Variants in ESYT3 observed in about 807,000 individuals in gnomAD.
ESYT3 encodes the protein extended synaptotagmin-3.
Under a neutral mutation model 111.5 loss-of-function variants are expected in ESYT3, and 101 were observed. That is an observed-to-expected ratio of 0.91 (90% CI 0.77 to 1.07). The LOEUF is 1.07. Among genes scored for constraint, ESYT3 ranks in the 50% least tolerant of loss-of-function variants. The pLI is 0.00. For synonymous variants in ESYT3, 416 were observed against 446.8 expected (o/e 0.93, Z 0.87); for missense variants, 1,097 against 1,109.4 (o/e 0.99, Z 0.16).
rs1352763865 is a variant in ESYT3, at chr3:138,459,112, G to C, written c.582-75G>C. On this transcript the variant is annotated intron_variant, in intron 4 of 22. Transcript: ENST00000389567. The stretch of plus-strand genomic sequence containing the variant: ...CCTGGGCTCCGGCTGTGTGACACTG[G>C]GCAAGTTTCCCAACCTTTCTGAGCA... 8 of 1,264,910 alleles carry C rather than the reference G, an allele frequency of 6.3e-6. No homozygotes were observed. The East Asian group carries it at 2.1e-4, about 33-fold the overall frequency. 78.4% of individuals were successfully genotyped at this position (1,264,910 alleles called of 1,614,324 possible).
chr3:138,474,130 G>T (rs1285354209), intron 19 of ESYT3, 91 bp from the exon 20 acceptor site: 11 of 1,521,812 alleles, frequency 7.2e-6, no homozygotes, highest in Middle Eastern at 1.7e-4. Flanking sequence ...TGAAGTGTTT[G>T]AAACTCTCAA....
At chr3:138,470,811 C>T (rs1284292833) in intron 16 of ESYT3, 66 bp from the exon 17 acceptor site, 3 of 1,606,334 alleles carry the variant, frequency 1.9e-6, no homozygotes, top group African/African-American at 1.3e-5. Context: ...GGCTGGGGCT[C>T]AGATACTAGT....
Position 138,434,955 on chromosome 3 carries a change from G to A in ESYT3, c.157G>A (p.Gly53Ser). 1 of 1,553,968 alleles carries A rather than the reference G, an allele frequency of 6.4e-7. No homozygotes were observed. Among genetic ancestry groups the A allele is most frequent in the Non-Finnish European group, 8.7e-7 (1 of 1,148,050 alleles). Residue 53 changes from glycine to serine, a missense_variant, in exon 1 of 23, where the codon GGC (glycine) becomes AGC (serine). Coordinates refer to ENST00000389567, the MANE Select transcript of ESYT3 (RefSeq NM_031913.5). ...LFYLGPVYLAGYLGLSITWLL... is the reference protein window; with the variant it reads ...LFYLGPVYLASYLGLSITWLL... ...CTACCTGGGGCCTGTCTACCTAGCT[G>A]GCTACCTGGGGCTCAGCATAACCTG...
chr3:138,470,866 C>T lies in ESYT3; in HGVS notation c.1591-11C>T. On this transcript the variant is annotated splice_polypyrimidine_tract_variant and intron_variant, in intron 16 of 22. Coordinates refer to ENST00000389567, the MANE Select transcript of ESYT3 (RefSeq NM_031913.5). ...GTTATCCTCTTGTTTTGTGACTGGA[C>T]CACTGCCCAGGTGCTTGATGATGAC... is the stretch of plus-strand genomic sequence containing the variant. The T allele has an allele frequency of 6.2e-7, 1 of 1,614,044 alleles. No individual in the cohort carries two copies.
intron 8 of ESYT3, chr3:138,462,539 TGTAAA>T (rs981377638): frequency 3.1e-5 from 14 of 458,312 alleles, no homozygotes; most frequent in Non-Finnish European, 3.9e-5. Flanking sequence ...TTTACAATTA[TGTAAA>T]GTAGTTGTAC....
At position 138,467,518 on chromosome 3, in the gene ESYT3, C is replaced by T. The variant is rs570289100; in HGVS notation, c.1170-43C>T. The T allele has an allele frequency of 5.0e-6, 8 of 1,607,744 alleles. No individual in the cohort carries two copies. In the African/African-American group the frequency reaches 9.3e-5, roughly 19 times the overall value. On this transcript the variant is annotated intron_variant, in intron 10 of 22. Coordinates refer to ENST00000389567, the MANE Select transcript of ESYT3 (RefSeq NM_031913.5). ...GGGCCTCCATGCCCTCTGCTGCTTT[C>T]TTCCTCTGAGCTGACCCAATCCCCT... is the stretch of plus-strand genomic sequence containing the variant.
chr3:138,466,230 C>T (rs530010788), intron 10 of ESYT3, among the ~76,000 whole-genome samples: 3 of 152,114 alleles, frequency 2.0e-5, no homozygotes, highest in African/African-American at 4.8e-5. Context: ...CTGTTAACAC[C>T]GCTTATCTCA....
In ESYT3 at chr3:138,455,344, G is replaced by A. The variant is rs1560223723; in HGVS notation, c.504+16G>A. The A allele has an allele frequency of 6.2e-7, 1 of 1,613,842 alleles. No individual in the cohort carries two copies. Among genetic ancestry groups the A allele is most frequent in the Non-Finnish European group, 8.5e-7 (1 of 1,179,844 alleles). On this transcript the variant is annotated intron_variant, in intron 3 of 22. Coordinates refer to ENST00000389567, the MANE Select transcript of ESYT3 (RefSeq NM_031913.5). Reference sequence around the variant, plus strand: ...TGGACAGAAGGTGGGTGTGTCTCGGGAGGGTCAGCCTGGACTGGCTGTGCA... The same window carrying A: ...TGGACAGAAGGTGGGTGTGTCTCGGAAGGGTCAGCCTGGACTGGCTGTGCA...
At chr3:138,466,587 T>C (rs914537461) in intron 10 of ESYT3, among the ~76,000 whole-genome samples, 4 of 152,242 alleles carry the variant, frequency 2.6e-5, no homozygotes, top group African/African-American at 4.8e-5. Flanking sequence ...CTTACAGTTA[T>C]ATAGAATTAC....
chr3:138,465,554 G>A (rs1196292400), intron 10 of ESYT3, 133 bp downstream of exon 10: 1 of 671,888 alleles, frequency 1.5e-6, no homozygotes, highest in Non-Finnish European at 2.5e-6. Flanking sequence ...GACTGTGCCA[G>A]GCAACCTGCC....
At position 138,468,671 on chromosome 3, in the gene ESYT3, C is replaced by T. The variant is rs1388652839; in HGVS notation, c.1325C>T (p.Ser442Phe). Residue 442 changes from serine (S) to phenylalanine (F), a missense_variant, in exon 13 of 23, where the codon TCC (serine) becomes TTC (phenylalanine). Physicochemically the swap from Ser to Phe is radical, Grantham distance 155 (BLOSUM62 -2). Transcript: ENST00000389567. ...EVLTEDHGGL[S>F]TAILVVFLES... is the part of the protein sequence containing the mutation. Reference sequence around the variant, plus strand: ...TGTTTGCAGGACCATGGTGGCCTTTCCACTGCCATTCTCGTGGTCTTCTTG... The same window carrying T: ...TGTTTGCAGGACCATGGTGGCCTTTTCACTGCCATTCTCGTGGTCTTCTTG... 1 of 1,614,120 alleles carries T rather than the reference C, an allele frequency of 6.2e-7. No homozygotes were observed. The highest frequency in any genetic ancestry group is 1.3e-5 in the African/African-American group (1 of 75,022).
intron 9 of ESYT3, 65 bp from the exon 10 acceptor site, chr3:138,465,274 T>A (rs2032868386): frequency 8.0e-7 from 1 of 1,255,246 alleles, no homozygotes; most frequent in Non-Finnish European, 1.1e-6. Context: ...ATGATTTGGC[T>A]CCCTTTGGGT....
Position 138,472,595 on chromosome 3 carries a change from C to A in ESYT3, c.1973C>A (p.Thr658Lys). 2 of 1,614,244 alleles carry A rather than the reference C, an allele frequency of 1.2e-6. No individual in the cohort carries two copies. The highest frequency in any genetic ancestry group is 1.1e-5 in the South Asian group (1 of 91,080). ...TSATTVATEP[T>K]SQETGPEPKG... The stretch of plus-strand genomic sequence containing the variant: ...GCTACCACCGTTGCCACTGAGCCCA[C>A]ATCCCAAGAGACAGGCCCAGAGCCT... Residue 658 changes from threonine to lysine, a missense_variant, in exon 18 of 23, where the codon ACA becomes AAA. By Grantham distance (78) the Thr-to-Lys change is moderately conservative. Coordinates refer to ENST00000389567, the MANE Select transcript of ESYT3 (RefSeq NM_031913.5).
chr3:138,464,532 C>T lies in ESYT3; in HGVS notation c.1086+17C>T, dbSNP rs762014668. 6.2e-7 allele frequency: 1 copy of T among 1,613,410 alleles called. No homozygotes were observed. On this transcript the variant is annotated intron_variant, in intron 9 of 22. Transcript: ENST00000389567. The stretch of plus-strand genomic sequence containing the variant: ...GTGTTTGAGGTAAGGGTCTCCTTGG[C>T]TGCTTCTAGCCTTCACTCTGAGTCA...
chr3:138,476,548 C>T, intron 22 of ESYT3, 56 bp downstream of exon 22: 10 of 1,547,450 alleles, frequency 6.5e-6, no homozygotes, highest in Non-Finnish European at 8.9e-6. Flanking sequence ...ACAGTTTTCC[C>T]TTTTCAGTAC....
In ESYT3 at chr3:138,465,439, C is replaced by T. The variant is rs1650327487; in HGVS notation, c.1169+18C>T. ...CTGGGCAGGTGAGGAGGAGGGCGCA[C>T]AGCTGGGCCTGGAGGCAGCCTTCCC... On this transcript the variant is annotated intron_variant, in intron 10 of 22. Transcript: ENST00000389567. The T allele has an allele frequency of 1.9e-6, 3 of 1,574,332 alleles. No homozygotes were observed. The highest frequency in any genetic ancestry group is 2.6e-6 in the Non-Finnish European group (3 of 1,159,180).
At position 138,435,587 on chromosome 3, in the gene ESYT3, C is replaced by T. The variant is rs2030601658; in HGVS notation, c.327+462C>T. 6.6e-6 allele frequency among the ~76,000 whole-genome samples: 1 copy of T among 152,166 alleles called. No individual in the cohort carries two copies. Among genetic ancestry groups the T allele is most frequent in the South Asian group, 2.1e-4 (1 of 4,826 alleles). On this transcript the variant is annotated intron_variant, in intron 1 of 22. Transcript: ENST00000389567. This position sits in a 1 kb window ranked among gnomAD's most constrained non-coding sequence, Gnocchi z 4.8. ...CGGGCCCAGTTGCTTTCGGCCGAGGCCTGGACTGCGGTAGGGGGAGGGCTC... is the reference window on the plus strand; with the variant it reads ...CGGGCCCAGTTGCTTTCGGCCGAGGTCTGGACTGCGGTAGGGGGAGGGCTC...
At chr3:138,458,197 T>C (rs2032403508) in intron 4 of ESYT3, among the ~76,000 whole-genome samples, 1 of 152,032 alleles carries the variant, frequency 6.6e-6, no homozygotes, top group South Asian at 2.1e-4. Context: ...GGATCCAGAG[T>C]GTTGCCATTC....
chr3:138,434,849 C>T lies in ESYT3; in HGVS notation c.51C>T (p.Ala17=), dbSNP rs1265019194. Residue 17 remains alanine (A), a synonymous_variant, in exon 1 of 23, where the codon GCC becomes GCT. Coordinates refer to ENST00000389567, the MANE Select transcript of ESYT3 (RefSeq NM_031913.5). ...CCGGGGCCCCCAGCGCCCTGGGAGCCCAGCGCACGCCGGGCCCCGAGCTGC... is the reference window on the plus strand; with the variant it reads ...CCGGGGCCCCCAGCGCCCTGGGAGCTCAGCGCACGCCGGGCCCCGAGCTGC... ...CAPGAPSALG[A]QRTPGPELRL... is the part of the protein sequence containing the mutation. 6.5e-7 allele frequency: 1 copy of T among 1,549,876 alleles called. No homozygotes were observed. The highest frequency in any genetic ancestry group is 2.0e-5 in the Admixed American group (1 of 51,226).
Sources: gnomAD v4.1 joint callset for allele counts (sites outside exome capture counted in the v4.1 genomes callset) on GRCh38, gnomAD v4.1.1 for gene constraint, Gnocchi (gnomAD v3.1) non-coding constraint, MANE v1.5 for transcripts, NCBI Gene and HGNC (gene_info 2026-07-23, HGNC 2026-07-21) for gene names.